VIPR2: variants seen among roughly 807,000 people sequenced by gnomAD.
VIPR2 encodes vasoactive intestinal peptide receptor 2, also known as vasoactive intestinal polypeptide receptor 2.
In VIPR2, 48 loss-of-function variants were observed where a neutral mutation model predicts 58.0. The observed-to-expected ratio is 0.83, with a 90% CI of 0.66 to 1.05. The LOEUF is 1.05. Ranked by LOEUF, VIPR2 falls within the 50% of genes least tolerant of loss-of-function variation. The pLI, the probability that VIPR2 is intolerant of heterozygous loss-of-function variation, is 0.00. For missense variants in VIPR2, 534 were observed against 558.0 expected (o/e 0.96, Z 0.43); for synonymous variants, 243 against 235.2 (o/e 1.03, Z -0.30).
intron 4 of VIPR2, among the ~76,000 whole-genome samples, chr7:159,101,740 C>T (rs140054189): frequency 0.015 from 2,027 of 137,058 alleles, 45 homozygotes; most frequent in African/African-American, 0.057. Flanking sequence ...ATGAGTCTCA[C>T]GAGATCCGAC....
At position 159,097,320 on chromosome 7, in the gene VIPR2, C is replaced by A; in HGVS notation, c.357+6437G>T. On this transcript the variant is annotated intron_variant, in intron 4 of 12. Transcript: ENST00000262178. The surrounding 1 kb of genome is among the most constrained non-coding windows in gnomAD (Gnocchi z 5.3). ...TGTGTGCACTTGAAGCATGGGGAGG[C>A]CGAAATGCCAAACAGTTCTCTTGGC... 9 of 1,250,724 alleles carry A rather than the reference C, an allele frequency of 7.2e-6. No individual in the cohort carries two copies. The South Asian group carries it at 2.0e-4, about 27-fold the overall frequency. The allele number at this position is 1,250,724 out of a possible 1,614,324, so 77.5% of individuals were successfully genotyped here. A position where few individuals can be genotyped will look rare whatever the true frequency, so the allele number is the denominator to read the frequency against.
Position 159,115,730 on chromosome 7 carries a change from G to A in VIPR2, c.152-5811C>T, listed in dbSNP as rs116051612. On this transcript the variant is annotated intron_variant, in intron 2 of 12. Coordinates refer to ENST00000262178, the MANE Select transcript of VIPR2 (RefSeq NM_003382.5). ...GGCCTTTTCAGATCACGCCCCTGAC[G>A]TGCTGCCTGCAGCCTCCAAGGTCAG... Among the ~76,000 whole-genome samples the A allele has an allele frequency of 4.7e-3, 712 of 152,344 alleles. 8 individuals carry two copies. The highest frequency in any genetic ancestry group is 0.016 in the African/African-American group (659 of 41,582).
At position 159,097,297 on chromosome 7, in the gene VIPR2, T is replaced by C; in HGVS notation, c.357+6460A>G. The C allele has an allele frequency of 7.5e-7, 1 of 1,329,596 alleles. No individual in the cohort carries two copies. The highest frequency in any genetic ancestry group is 2.4e-5 in the South Asian group (1 of 41,132). 82.4% of individuals were successfully genotyped at this position (1,329,596 alleles called of 1,614,324 possible). ...GATGTGGCGTAACACGGAAGAAATG[T>C]GTGCACTTGAAGCATGGGGAGGCCG... On this transcript the variant is annotated intron_variant, in intron 4 of 12. Transcript: ENST00000262178. This position sits in a 1 kb window ranked among gnomAD's most constrained non-coding sequence, Gnocchi z 5.3.
rs1165338948 is a variant in VIPR2, at chr7:159,095,968, T to TGATCTGGAGGCTA, written c.357+7788_357+7789insTAGCCTCCAGATC. On this transcript the variant is annotated intron_variant, in intron 4 of 12. Coordinates refer to ENST00000262178, the MANE Select transcript of VIPR2 (RefSeq NM_003382.5). This position sits in a 1 kb window ranked among gnomAD's most constrained non-coding sequence, Gnocchi z 5.2. The stretch of plus-strand genomic sequence containing the variant: ...AGGGGCCAGTGTGGTGTGTGGTGTA[T>TGATCTGGAGGCTA]GATCTGGAGGCTCCCCGGGGGCTCC... 2.6e-5 allele frequency among the ~76,000 whole-genome samples: 4 copies of TGATCTGGAGGCTA among 152,132 alleles called. No homozygotes were observed. The highest frequency in any genetic ancestry group is 1.5e-5 in the Non-Finnish European group (1 of 68,026).
At chr7:159,058,843 G>A (rs1472149969) in intron 4 of VIPR2, among the ~76,000 whole-genome samples, 2 of 152,186 alleles carry the variant, frequency 1.3e-5, no homozygotes, top group Non-Finnish European at 2.9e-5. Context: ...GAGGGAACAC[G>A]ACCCGCCACC....
Position 159,071,197 on chromosome 7 carries a change from T to G in VIPR2, c.358-12619A>C, listed in dbSNP as rs114601123. On this transcript the variant is annotated intron_variant, in intron 4 of 12. Transcript: ENST00000262178. Reference sequence around the variant, plus strand: ...CATGGTCATGAGGAACTGTGCACACTTTTCCATCTTCACTGTGAGGTGAAG... The same window carrying G: ...CATGGTCATGAGGAACTGTGCACACGTTTCCATCTTCACTGTGAGGTGAAG... Among the ~76,000 whole-genome samples, 912 of 152,310 alleles carry G rather than the reference T, an allele frequency of 6.0e-3. 10 individuals carry two copies. The highest frequency in any genetic ancestry group is 0.02 in the African/African-American group (851 of 41,562).
chr7:159,050,124 A>G (rs1437648747), intron 5 of VIPR2, among the ~76,000 whole-genome samples: 1 of 152,020 alleles, frequency 6.6e-6, no homozygotes, highest in Non-Finnish European at 1.5e-5. Context: ...ATCACTTGAG[A>G]TCAGGAGCTT....
At chr7:159,123,330 C>G (rs1409261671) in intron 2 of VIPR2, among the ~76,000 whole-genome samples, 1 of 130,806 alleles carries the variant, frequency 7.6e-6, no homozygotes, top group East Asian at 2.5e-4. Context: ...GAAAAAAAAA[C>G]CTCAGTGTCT....
intron 2 of VIPR2, among the ~76,000 whole-genome samples, chr7:159,141,515 G>A (rs770923513): frequency 6.6e-6 from 1 of 152,228 alleles, no homozygotes; most frequent in Admixed American, 6.5e-5. Context: ...AAACTGTGTC[G>A]TGCTGTAAGC....
At chr7:159,125,756 G>A (rs1796628850) in intron 2 of VIPR2, among the ~76,000 whole-genome samples, 1 of 152,070 alleles carries the variant, frequency 6.6e-6, no homozygotes, top group Admixed American at 6.5e-5. Flanking sequence ...TGGACACCTG[G>A]TGTCAGCCTG....
chr7:159,045,990 T>A (rs1339530540), intron 5 of VIPR2, among the ~76,000 whole-genome samples: 1 of 151,678 alleles, frequency 6.6e-6, no homozygotes, highest in South Asian at 2.1e-4. Flanking sequence ...AAATGGTCAA[T>A]AAGCACATAA....
intron 5 of VIPR2, among the ~76,000 whole-genome samples, chr7:159,050,557 T>G (rs1854938879): frequency 6.6e-6 from 1 of 151,924 alleles, no homozygotes; most frequent in African/African-American, 2.4e-5. Flanking sequence ...TAGAGGGGAC[T>G]AACATTAATT....
intron 2 of VIPR2, among the ~76,000 whole-genome samples, chr7:159,122,566 GCTGA>G (rs1223868899): frequency 6.6e-6 from 1 of 152,180 alleles, no homozygotes; most frequent in Non-Finnish European, 1.5e-5. Context: ...GAGGGTGCTG[GCTGA>G]CTGTGTTTCT....
chr7:159,040,938 C>T (rs1854288774), intron 6 of VIPR2, among the ~76,000 whole-genome samples: 1 of 152,194 alleles, frequency 6.6e-6, no homozygotes, highest in Non-Finnish European at 1.5e-5. Flanking sequence ...TTTCCCCTTG[C>T]TGGTACTAGA....
intron 2 of VIPR2, among the ~76,000 whole-genome samples, chr7:159,112,475 G>A (rs1796053723): frequency 6.6e-6 from 1 of 152,238 alleles, no homozygotes; most frequent in Non-Finnish European, 1.5e-5. Flanking sequence ...TCAACCTCAC[G>A]CAAAGGACAG....
rs747413054 is a variant in VIPR2 at position 159,034,245 on chromosome 7, TG to T, written c.938del (p.Pro313GlnfsTer66). On this transcript the variant is annotated frameshift_variant, in exon 10 of 13. Coordinates refer to ENST00000262178, the MANE Select transcript of VIPR2 (RefSeq NM_003382.5). LOFTEE classifies it high-confidence loss of function. ...GAGACTGGTCGTTGCCGCCGACATC[TG>T]GGGATGTTAACTTCTGCAGCAAAAT... ...IRILLQKLTS[P>X]DVGGNDQSQY... is the part of the protein sequence containing the mutation. The T allele has an allele frequency of 1.2e-6, 2 of 1,614,114 alleles. No individual in the cohort carries two copies. The highest frequency in any genetic ancestry group is 2.2e-5 in the South Asian group (2 of 91,082).
At chr7:159,063,284 C>T (rs1189164331) in intron 4 of VIPR2, among the ~76,000 whole-genome samples, 22 of 152,028 alleles carry the variant, frequency 1.4e-4, no homozygotes, top group Middle Eastern at 3.4e-3. Context: ...CCCTGCCCTG[C>T]GGGGAGGCAG....
At chr7:159,137,340 T>C (rs1323400081) in intron 2 of VIPR2, among the ~76,000 whole-genome samples, 1 of 152,156 alleles carries the variant, frequency 6.6e-6, no homozygotes, top group East Asian at 1.9e-4. Context: ...TCAGTGAGAT[T>C]TGTTTCCTAT....
chr7:159,042,146 G>A (rs1445511982), intron 6 of VIPR2, among the ~76,000 whole-genome samples: 9 of 152,222 alleles, frequency 5.9e-5, no homozygotes, highest in Admixed American at 5.2e-4. Flanking sequence ...TTAAAACTAA[G>A]TTAATTCAAA....
Sources: gnomAD v4.1 joint callset for allele counts (sites outside exome capture counted in the v4.1 genomes callset) on GRCh38, gnomAD v4.1.1 for gene constraint, Gnocchi (gnomAD v3.1) non-coding constraint, MANE v1.5 for transcripts, NCBI Gene and HGNC (gene_info 2026-07-23, HGNC 2026-07-21) for gene names.